Variants in SKOR1 observed in about 807,000 individuals in gnomAD.
SKOR1 encodes the protein LBX1 corepressor 1.
In SKOR1, 38 loss-of-function variants were observed where a neutral mutation model predicts 72.4. The ratio of observed to expected loss-of-function variants is 0.52; its 90% CI spans 0.40 to 0.69. SKOR1 has a LOEUF of 0.69. Ranked by LOEUF, SKOR1 falls within the 30% of genes least tolerant of loss-of-function variation. The pLI is 0.00. For missense variants in SKOR1, 1,320 were observed against 1,343.2 expected, an observed-to-expected ratio of 0.98 and a Z score of 0.27; for synonymous variants, 642 against 599.4, an observed-to-expected ratio of 1.07 and a Z score of -1.04.
chr15:67,827,987 G>C lies in SKOR1; in HGVS notation c.2159G>C (p.Arg720Pro), dbSNP rs774689995. 130 of 1,539,442 alleles carry C rather than the reference G, an allele frequency of 8.4e-5. No individual in the cohort carries two copies. The highest frequency in any genetic ancestry group is 1.1e-4 in the Non-Finnish European group (125 of 1,144,820). ...NSPDGGSPRP[R>P]RRLGPPPAGR... The stretch of plus-strand genomic sequence containing the variant: ...CCCGACGGCGGCAGCCCCCGCCCCC[G>C]GCGCCGCCTCGGGCCACCCCCAGCT... Residue 720 changes from arginine to proline, a missense_variant, in exon 2 of 9, where the codon CGG becomes CCG. Coordinates refer to ENST00000380035, the MANE Select transcript of SKOR1 (RefSeq NM_001365915.1).
At chr15:67,828,207 C>T (rs1179498015) in intron 2 of SKOR1, 63 bp downstream of exon 2, 3 of 1,362,864 alleles carry the variant, frequency 2.2e-6, no homozygotes, top group Non-Finnish European at 2.8e-6. Flanking sequence ...GGCAGGGCTG[C>T]GGGGCCGGGC....
At chr15:67,829,494 A>G (rs1175933272) in intron 3 of SKOR1, among the ~76,000 whole-genome samples, 1 of 152,244 alleles carries the variant, frequency 6.6e-6, no homozygotes, top group Non-Finnish European at 1.5e-5. Context: ...ACACGCACAC[A>G]CATGCTGCAG....
Position 67,833,962 on chromosome 15 carries a change from C to A in SKOR1, c.*126C>A. ...ACCGATGTAAATACAGCCGCCCGTC[C>A]GCCCGCCTTCCTCCCGGGCTCCCCG... On this transcript the variant is annotated 3_prime_UTR_variant, in exon 9 of 9. Transcript: ENST00000380035. This position sits in a 1 kb window ranked among gnomAD's most constrained non-coding sequence, Gnocchi z 6.0. 9.5e-7 allele frequency: 1 copy of A among 1,050,748 alleles called. No homozygotes were observed. Among genetic ancestry groups the A allele is most frequent in the South Asian group, 1.3e-5 (1 of 76,412 alleles). 65.1% of individuals were successfully genotyped at this position (1,050,748 alleles called of 1,614,324 possible). A position where few individuals can be genotyped will look rare whatever the true frequency, so the allele number is the denominator to read the frequency against.
Position 67,832,974 on chromosome 15 carries a change from T to C in SKOR1, c.2738-218T>C. ...CCTGGGAAGTAATGCCTAAGTTTGC[T>C]TTAATTTTGGTTAGATCCATCTGCC... On this transcript the variant is annotated intron_variant, in intron 7 of 8. Coordinates refer to ENST00000380035, the MANE Select transcript of SKOR1 (RefSeq NM_001365915.1). This position sits in a 1 kb window ranked among gnomAD's most constrained non-coding sequence, Gnocchi z 4.5. 3.3e-6 allele frequency: 2 copies of C among 605,760 alleles called. No individual in the cohort carries two copies. The highest frequency in any genetic ancestry group is 4.1e-5 in the South Asian group (2 of 49,348). The allele number at this position is 605,760 out of a possible 1,614,324, so 37.5% of individuals were successfully genotyped here. A position where few individuals can be genotyped will look rare whatever the true frequency, so the allele number is the denominator to read the frequency against.
Position 67,830,708 on chromosome 15 carries a change from A to G in SKOR1, c.2516-110A>G, listed in dbSNP as rs796472189. 4 of 992,468 alleles carry G rather than the reference A, an allele frequency of 4.0e-6. No homozygotes were observed. The African/African-American group carries it at 6.4e-5, about 16-fold the overall frequency. 61.5% of individuals were successfully genotyped at this position (992,468 alleles called of 1,614,324 possible). ...TCCTGTAACTGTCTCCTCTAAAGGC[A>G]GAAGGTCTAGGGTAGGTCCCTGATT... On this transcript the variant is annotated intron_variant, in intron 4 of 8. Coordinates refer to ENST00000380035, the MANE Select transcript of SKOR1 (RefSeq NM_001365915.1).
At chr15:67,828,936 C>T (rs970158910) in intron 2 of SKOR1, among the ~76,000 whole-genome samples, 1 of 152,208 alleles carries the variant, frequency 6.6e-6, no homozygotes, top group African/African-American at 2.4e-5. Flanking sequence ...ACACTTTGAA[C>T]GCCCCTCGGC....
In SKOR1 at chr15:67,828,155, C is replaced by T. The variant is rs1337620931; in HGVS notation, c.2316+11C>T. On this transcript the variant is annotated intron_variant, in intron 2 of 8. Transcript: ENST00000380035. The stretch of plus-strand genomic sequence containing the variant: ...CCCGCGCCGGCCAAGGTGAGCCCCG[C>T]GCCCGCCCCGCCAGTGGCGCCTTCC... 3 of 1,422,762 alleles carry T rather than the reference C, an allele frequency of 2.1e-6. No homozygotes were observed. Among genetic ancestry groups the T allele is most frequent in the Middle Eastern group, 2.6e-4 (1 of 3,892 alleles). The allele number at this position is 1,422,762 out of a possible 1,614,324, so 88.1% of individuals were successfully genotyped here.
In SKOR1 at chr15:67,826,712, G is replaced by A; in HGVS notation, c.884G>A (p.Gly295Asp). 6.5e-7 allele frequency: 1 copy of A among 1,548,274 alleles called. No homozygotes were observed. The highest frequency in any genetic ancestry group is 8.7e-7 in the Non-Finnish European group (1 of 1,149,716). ...GGAGGCGGTGCCAATGGCGGGTCGGGTGGGCAGGGGAAGGGTGGTGCTGGC... is the reference window on the plus strand; with the variant it reads ...GGAGGCGGTGCCAATGGCGGGTCGGATGGGCAGGGGAAGGGTGGTGCTGGC... ...GGGGGANGGS[G>D]GQGKGGAGGG... Residue 295 changes from glycine to aspartate, a missense_variant, in exon 2 of 9, where the codon GGT becomes GAT. Transcript: ENST00000380035.
chr15:67,830,636 T>C (rs923228153), intron 4 of SKOR1, among the ~76,000 whole-genome samples, 182 bp from the exon 5 acceptor site: 1 of 152,100 alleles, frequency 6.6e-6, no homozygotes, highest in African/African-American at 2.4e-5. Flanking sequence ...CAGGGGTCAC[T>C]CTCCTACTCT....
chr15:67,827,604 G>C lies in SKOR1; in HGVS notation c.1776G>C (p.Val592=). Residue 592 remains valine, a synonymous_variant, in exon 2 of 9, where the codon GTG becomes GTC. Coordinates refer to ENST00000380035, the MANE Select transcript of SKOR1 (RefSeq NM_001365915.1). ...CGCCCGCACGCAAAGGCTCCTACGTGTCGGCCTTCCGGCCGGTGGTCAAGG... is the reference window on the plus strand; with the variant it reads ...CGCCCGCACGCAAAGGCTCCTACGTCTCGGCCTTCCGGCCGGTGGTCAAGG... The part of the protein sequence containing the change: ...PPPPARKGSY[V]SAFRPVVKDT... The C allele has an allele frequency of 6.5e-7, 1 of 1,529,050 alleles. No individual in the cohort carries two copies. The highest frequency in any genetic ancestry group is 1.2e-5 in the South Asian group (1 of 83,424). The allele number at this position is 1,529,050 out of a possible 1,614,324, so 94.7% of individuals were successfully genotyped here.
intron 3 of SKOR1, 120 bp from the exon 4 acceptor site, chr15:67,830,071 G>A (rs997221085): frequency 2.0e-6 from 2 of 994,686 alleles, no homozygotes; most frequent in East Asian, 5.2e-5. Context: ...GCACAGCCGG[G>A]AACCAGAGGC....
Position 67,828,093 on chromosome 15 carries a change from C to A in SKOR1, c.2265C>A (p.Gly755=). The change falls in exon 2 of 9, where the codon GGC becomes GGA. Residue 755 remains glycine (G), a synonymous_variant. Transcript: ENST00000380035. ...GGAGCCCGCCAAGCGGCGGCGGCGG[C>A]TACGAGCTGCGAGAGCCTTGCGGGC... is the stretch of plus-strand genomic sequence containing the variant. ...PERSPPSGGG[G]YELREPCGPL... 6.6e-7 allele frequency: 1 copy of A among 1,523,224 alleles called. No homozygotes were observed. Among genetic ancestry groups the A allele is most frequent in the Non-Finnish European group, 8.8e-7 (1 of 1,140,924 alleles). The allele number at this position is 1,523,224 out of a possible 1,614,324, so 94.4% of individuals were successfully genotyped here. A position where few individuals can be genotyped will look rare whatever the true frequency, so the allele number is the denominator to read the frequency against.
At position 67,826,311 on chromosome 15, in the gene SKOR1, C is replaced by G; in HGVS notation, c.483C>G (p.Arg161=). 1 of 1,613,542 alleles carries G rather than the reference C, an allele frequency of 6.2e-7. No homozygotes were observed. The highest frequency in any genetic ancestry group is 8.5e-7 in the Non-Finnish European group (1 of 1,180,036). The change falls in exon 2 of 9, where the codon CGC becomes CGG. Residue 161 remains arginine (R), a synonymous_variant. Coordinates refer to ENST00000380035, the MANE Select transcript of SKOR1 (RefSeq NM_001365915.1). ...TGATCACTAAGCGAGAGGCCGAACGCCTGTGCAAGTCGTTCCTGGGCGAGC... is the reference window on the plus strand; with the variant it reads ...TGATCACTAAGCGAGAGGCCGAACGGCTGTGCAAGTCGTTCCTGGGCGAGC... ...CGMITKREAE[R]LCKSFLGEHK... is the part of the protein sequence containing the mutation.
chr15:67,826,275 C>T lies in SKOR1; in HGVS notation c.447C>T (p.Arg149=), dbSNP rs1329550792. Residue 149 remains arginine (R), a synonymous_variant, in exon 2 of 9, where the codon CGC becomes CGT. Transcript: ENST00000380035. ...CCGGGGCCATGCCCATCTCGTCGCG[C>T]CGCTGCGGCATGATCACTAAGCGAG... ...RRAGAMPISS[R]RCGMITKREA... 1.2e-6 allele frequency: 2 copies of T among 1,613,168 alleles called. No homozygotes were observed. The highest frequency in any genetic ancestry group is 1.7e-6 in the Non-Finnish European group (2 of 1,180,044).
rs941748439 is a variant in SKOR1, at chr15:67,830,723, G to T, written c.2516-95G>T. On this transcript the variant is annotated intron_variant, in intron 4 of 8. Transcript: ENST00000380035. ...CTCTAAAGGCAGAAGGTCTAGGGTA[G>T]GTCCCTGATTCGATGTGGTTCCTGG... The T allele has an allele frequency of 6.2e-5, 71 of 1,148,864 alleles. No individual in the cohort carries two copies. In the South Asian group the frequency reaches 6.5e-4, roughly 11 times the overall value. 71.2% of individuals were successfully genotyped at this position (1,148,864 alleles called of 1,614,324 possible).
In SKOR1 at chr15:67,833,631, A is replaced by G; in HGVS notation, c.2804-111A>G. ...TGCCTCCTCCTGATCCGCTCGGTTGAGATTCCCTGACCCCAAAGGGTTGGT... is the reference window on the plus strand; with the variant it reads ...TGCCTCCTCCTGATCCGCTCGGTTGGGATTCCCTGACCCCAAAGGGTTGGT... On this transcript the variant is annotated intron_variant, in intron 8 of 8. Transcript: ENST00000380035. The surrounding 1 kb of genome is among the most constrained non-coding windows in gnomAD (Gnocchi z 6.0). The G allele has an allele frequency of 8.8e-7, 1 of 1,140,932 alleles. No individual in the cohort carries two copies. The highest frequency in any genetic ancestry group is 1.3e-6 in the Non-Finnish European group (1 of 758,752). 70.7% of individuals were successfully genotyped at this position (1,140,932 alleles called of 1,614,324 possible). A position where few individuals can be genotyped will look rare whatever the true frequency, so the allele number is the denominator to read the frequency against.
rs1296217832 is a variant in SKOR1, at chr15:67,827,011, C to T, written c.1183C>T (p.His395Tyr). The change falls in exon 2 of 9, where the codon CAT becomes TAT. Residue 395 changes from histidine to tyrosine, a missense_variant. Around this residue, in one of 3 missense-constraint regions of SKOR1, gnomAD observed 1,099 missense variants for 1,025.5 expected, o/e 1.07. Coordinates refer to ENST00000380035, the MANE Select transcript of SKOR1 (RefSeq NM_001365915.1). ...LQKLPPPLFP[H>Y]PYGFPTAFGL... is the part of the protein sequence containing the mutation. ...AAAGCTGCCCCCACCACTTTTCCCC[C>T]ATCCTTACGGCTTCCCTACGGCCTT... 2 of 1,594,082 alleles carry T rather than the reference C, an allele frequency of 1.3e-6. No homozygotes were observed.
In SKOR1 at chr15:67,825,792, C is replaced by G; in HGVS notation, c.107+83C>G. ...CATGGGTCTGAGTAACAAAAGACGC[C>G]TGTCCAGGGGGTGAATGAGTTTGGA... On this transcript the variant is annotated intron_variant, in intron 1 of 8. Transcript: ENST00000380035. The surrounding 1 kb of genome is among the most constrained non-coding windows in gnomAD (Gnocchi z 5.6). 1 of 1,481,332 alleles carries G rather than the reference C, an allele frequency of 6.8e-7. No homozygotes were observed. Among genetic ancestry groups the G allele is most frequent in the East Asian group, 2.3e-5 (1 of 43,300 alleles). 91.8% of individuals were successfully genotyped at this position (1,481,332 alleles called of 1,614,324 possible).
chr15:67,827,540 T>A lies in SKOR1; in HGVS notation c.1712T>A (p.Leu571Gln). Residue 571 changes from leucine (L) to glutamine (Q), a missense_variant, in exon 2 of 9, where the codon CTG (leucine) becomes CAG (glutamine). Physicochemically the swap from Leu to Gln is moderately radical, Grantham distance 113. Around this residue, in one of 3 missense-constraint regions of SKOR1, gnomAD observed 1,099 missense variants for 1,025.5 expected, o/e 1.07. Coordinates refer to ENST00000380035, the MANE Select transcript of SKOR1 (RefSeq NM_001365915.1). ...PLDEDGTDEA[L>Q]PPPLAPLPPP... ...GACGAAGACGGCACGGACGAGGCGC[T>A]GCCACCGCCCCTGGCCCCGTTGCCC... 1 of 1,521,312 alleles carries A rather than the reference T, an allele frequency of 6.6e-7. No homozygotes were observed. Among genetic ancestry groups the A allele is most frequent in the African/African-American group, 1.4e-5 (1 of 71,254 alleles). The allele number at this position is 1,521,312 out of a possible 1,614,324, so 94.2% of individuals were successfully genotyped here.
Sources: allele counts gnomAD v4.1 joint callset (sites outside exome capture counted in the v4.1 genomes callset), GRCh38; gene constraint gnomAD v4.1.1; regional missense constraint gnomAD v4.1.1; non-coding constraint Gnocchi (gnomAD v3.1); transcripts MANE v1.5; gene names NCBI Gene and HGNC (gene_info 2026-07-23, HGNC 2026-07-21).